Variants in GRID1 observed in about 807,000 individuals in gnomAD.
The protein encoded by GRID1 is glutamate ionotropic receptor delta type subunit 1.
In GRID1, 28 loss-of-function variants were observed where a neutral mutation model predicts 98.0. The observed-to-expected ratio is 0.29, with a 90% CI of 0.21 to 0.39. GRID1 has a LOEUF of 0.39. GRID1 is among the 10% of genes least tolerant of loss of function. GRID1 has a pLI of 1.00. For synonymous variants in GRID1, 553 were observed against 538.5 expected (o/e 1.03, Z -0.37); for missense variants, 1,111 against 1,340.5 (o/e 0.83, Z 2.67).
chr10:85,680,149 T>C (rs928420180), intron 12 of GRID1, among the ~76,000 whole-genome samples: 1 of 152,176 alleles, frequency 6.6e-6, no homozygotes, highest in African/African-American at 2.4e-5. Flanking sequence ...AATAAGTGTG[T>C]GTGCAGTGGC....
At chr10:85,606,418 A>T (rs1842664916) in intron 15 of GRID1, 1 of 152,212 alleles carries the variant, frequency 6.6e-6, no homozygotes, top group Non-Finnish European at 1.5e-5. Context: ...CTCCAACACG[A>T]GGACAAACCC....
chr10:86,161,562 T>C (rs968590850), intron 3 of GRID1, among the ~76,000 whole-genome samples: 11 of 152,044 alleles, frequency 7.2e-5, no homozygotes, highest in African/African-American at 2.7e-4. Flanking sequence ...AAAGTAATCT[T>C]AGGAGCTGAG....
At chr10:85,617,624 T>C (rs903747833) in intron 14 of GRID1, among the ~76,000 whole-genome samples, 1 of 152,172 alleles carries the variant, frequency 6.6e-6, no homozygotes, top group African/African-American at 2.4e-5. Context: ...AACTGTACCC[T>C]ACAGGAAGAT....
At position 85,602,046 on chromosome 10, in the gene GRID1, T is replaced by C. The variant is rs1201162869; in HGVS notation, c.*227A>G. Reference sequence around the variant, plus strand: ...AGAACAAAATTTACAAAGTCATTCATACAGTTTTTGTGTTTTTTTACTGAC... The same window carrying C: ...AGAACAAAATTTACAAAGTCATTCACACAGTTTTTGTGTTTTTTTACTGAC... On this transcript the variant is annotated 3_prime_UTR_variant, in exon 16 of 16. Transcript: ENST00000327946. The C allele has an allele frequency of 1.3e-5, 6 of 444,858 alleles. No individual in the cohort carries two copies. The highest frequency in any genetic ancestry group is 3.8e-5 in the Admixed American group (1 of 26,300). 27.6% of individuals were successfully genotyped at this position (444,858 alleles called of 1,614,324 possible).
At chr10:85,906,679 T>G (rs11201828) in intron 5 of GRID1, among the ~76,000 whole-genome samples, 13,735 of 152,068 alleles carry the variant, frequency 0.09, 652 homozygotes, top group Middle Eastern at 0.16. Context: ...AAAAGTAATA[T>G]AGAAGTATTT....
At chr10:85,883,849 A>C (rs541893892) in intron 5 of GRID1, among the ~76,000 whole-genome samples, 2 of 152,046 alleles carry the variant, frequency 1.3e-5, no homozygotes, top group Non-Finnish European at 2.9e-5. Context: ...GCTCCATGCA[A>C]CTCCAGTCAA....
chr10:85,802,838 A>AACACACAC (rs59101010), intron 8 of GRID1, among the ~76,000 whole-genome samples: 2,914 of 120,866 alleles, frequency 0.024, 55 homozygotes, highest in Non-Finnish European at 0.027. Flanking sequence ...AAGCAGAATA[A>AACACACAC]ACACACACAC....
intron 3 of GRID1, among the ~76,000 whole-genome samples, chr10:86,175,068 T>C (rs1185366736): frequency 3.3e-5 from 5 of 152,182 alleles, no homozygotes; most frequent in Admixed American, 3.3e-4. Flanking sequence ...CTCAGTCTTC[T>C]TTTCTCCCCA....
intron 4 of GRID1, among the ~76,000 whole-genome samples, chr10:85,971,014 G>C (rs753726901): frequency 1.1e-4 from 16 of 151,742 alleles, no homozygotes; most frequent in Non-Finnish European, 1.9e-4. Flanking sequence ...AGATCAATAT[G>C]TAAAAATCAA....
At chr10:85,677,939 A>G (rs1465079364) in intron 12 of GRID1, among the ~76,000 whole-genome samples, 1 of 152,206 alleles carries the variant, frequency 6.6e-6, no homozygotes, top group Non-Finnish European at 1.5e-5. Flanking sequence ...ATGGTGCCAG[A>G]AACGCCCCAG....
chr10:85,928,635 C>T (rs1030266727), intron 4 of GRID1, among the ~76,000 whole-genome samples: 16 of 152,224 alleles, frequency 1.1e-4, no homozygotes, highest in Non-Finnish European at 1.6e-4. Flanking sequence ...GCACAGCTCA[C>T]ATCCAGCTGC....
At chr10:85,687,185 T>C (rs1841278946) in intron 12 of GRID1, among the ~76,000 whole-genome samples, 3 of 152,078 alleles carry the variant, frequency 2.0e-5, no homozygotes, top group Admixed American at 2.0e-4. Flanking sequence ...TAATAAAAAA[T>C]ATTCAAACTT....
intron 4 of GRID1, among the ~76,000 whole-genome samples, chr10:86,074,137 G>C (rs4934148): frequency 1 from 151,921 of 152,324 alleles, 75,759 homozygotes; most frequent in Middle Eastern, 1. Flanking sequence ...GTATGGGGTG[G>C]GTGAGAAATT....
intron 10 of GRID1, 108 bp from the exon 11 acceptor site, chr10:85,724,784 A>G: frequency 1.2e-6 from 1 of 809,370 alleles, no homozygotes; most frequent in Non-Finnish European, 1.9e-6. Context: ...GTTCAGAGGA[A>G]TGGATTTGAG....
chr10:85,644,123 G>A (rs1444178673), intron 13 of GRID1: 2 of 152,152 alleles, frequency 1.3e-5, no homozygotes, highest in Admixed American at 6.5e-5. Flanking sequence ...GGAAGGGGTG[G>A]GTACTTGTGA....
intron 4 of GRID1, among the ~76,000 whole-genome samples, chr10:86,084,808 T>C (rs1043087535): frequency 7.9e-5 from 12 of 152,010 alleles, no homozygotes; most frequent in Admixed American, 6.5e-4. Context: ...CTCACTTACA[T>C]GAGTTATGTA....
chr10:86,015,788 T>C (rs1842972828), intron 4 of GRID1, among the ~76,000 whole-genome samples: 1 of 152,334 alleles, frequency 6.6e-6, no homozygotes, highest in Admixed American at 6.5e-5. Flanking sequence ...GGGAGCGGAC[T>C]TCATCGTTGC....
chr10:85,689,959 C>A (rs1841314417), intron 12 of GRID1, among the ~76,000 whole-genome samples: 1 of 151,896 alleles, frequency 6.6e-6, no homozygotes, highest in African/African-American at 2.4e-5. Flanking sequence ...ACAATTCAAC[C>A]AATCAAGAGT....
In GRID1 at chr10:85,605,452, A is replaced by G. The variant is rs1039169279; in HGVS notation, c.2602-2751T>C. 7 of 152,208 alleles carry G rather than the reference A, an allele frequency of 4.6e-5. 1 individual carries two copies. Among genetic ancestry groups the G allele is most frequent in the Middle Eastern group, 3.2e-3 (1 of 316 alleles). 9.4% of individuals were successfully genotyped at this position (152,208 alleles called of 1,614,324 possible). On this transcript the variant is annotated intron_variant, in intron 15 of 15. Transcript: ENST00000327946. The stretch of plus-strand genomic sequence containing the variant: ...GTCACCCTCACTGTCAAAGACTTTC[A>G]TTTCCACGGAAGGGAAACTGATGAC...
Sources: allele counts gnomAD v4.1 joint callset (sites outside exome capture counted in the v4.1 genomes callset), GRCh38; gene constraint gnomAD v4.1.1; transcripts MANE v1.5; gene names NCBI Gene and HGNC (gene_info 2026-07-23, HGNC 2026-07-21).